FAAH2: variants seen among roughly 807,000 people sequenced by gnomAD.
FAAH2 encodes fatty-acid amide hydrolase 2.
In FAAH2, 60 loss-of-function variants were observed where a neutral mutation model predicts 36.9. That is an observed-to-expected ratio of 1.63 (90% CI 1.32 to 2.02). The LOEUF (loss-of-function observed/expected upper bound fraction) is 2.02. Ranked by LOEUF, FAAH2 falls within the 30% of genes most tolerant of loss-of-function variation. The probability of loss-of-function intolerance (pLI) is 0.00; values close to 1 mark genes in which losing one functional copy is unlikely to be tolerated. For synonymous variants in FAAH2, 214 were observed against 143.8 expected, an observed-to-expected ratio of 1.49 and a Z score of -3.49; for missense variants, 689 against 397.5, an observed-to-expected ratio of 1.73 and a Z score of -6.23.
intron 5 of FAAH2, among the ~76,000 whole-genome samples, chrX:57,374,130 G>A (rs935651232): frequency 1.8e-5 from 2 of 111,702 alleles, no homozygotes; most frequent in Admixed American, 9.5e-5. Context: ...TTATAGTATA[G>A]TTTGAAATTA....
At chrX:57,306,994 G>GATATATATATATATATATATATATATAT (rs770040896) in intron 2 of FAAH2, among the ~76,000 whole-genome samples, 2,450 of 30,937 alleles carry the variant, frequency 0.079, 1,078 homozygotes, top group Non-Finnish European at 0.14. Flanking sequence ...CACACACACA[G>GATATATATATATATATATATATATATAT]ATACATATAT....
chrX:57,330,797 G>A (rs2053381245), intron 3 of FAAH2, among the ~76,000 whole-genome samples: 2 of 111,073 alleles, frequency 1.8e-5, no homozygotes, highest in South Asian at 3.8e-4. Flanking sequence ...TGACTATCGG[G>A]GCAGGTTCCC....
the FAAH2 span, among the ~76,000 whole-genome samples, chrX:57,140,598 C>CA: frequency 0.077 from 4,524 of 58,732 alleles, 197 homozygotes; most frequent in Non-Finnish European, 0.13. Flanking sequence ...GACCCCGTCT[C>CA]AAAAAAAAAA....
the FAAH2 span, among the ~76,000 whole-genome samples, chrX:57,143,712 A>T: frequency 9.0e-6 from 1 of 111,276 alleles, no homozygotes; most frequent in South Asian, 3.8e-4. Flanking sequence ...TCCTGATCTC[A>T]GGTGATTGAC....
At chrX:57,348,116 G>A (rs1205295014) in intron 5 of FAAH2, among the ~76,000 whole-genome samples, 1 of 110,485 alleles carries the variant, frequency 9.1e-6, no homozygotes, top group Non-Finnish European at 1.9e-5. Context: ...AAGGACATAA[G>A]TGTAAGCCCA....
At chrX:57,485,268 C>T (rs890187334) in intron 10 of FAAH2, among the ~76,000 whole-genome samples, 3 of 111,377 alleles carry the variant, frequency 2.7e-5, no homozygotes, top group Non-Finnish European at 5.7e-5. Context: ...GTGTCAGGGG[C>T]AAAGTTAGTG....
intron 10 of FAAH2, among the ~76,000 whole-genome samples, chrX:57,483,339 A>G (rs948497644): frequency 9.0e-6 from 1 of 111,306 alleles, no homozygotes; most frequent in Non-Finnish European, 1.9e-5. Context: ...AAATTCCTTA[A>G]GTGAATTTTT....
the FAAH2 span, among the ~76,000 whole-genome samples, chrX:57,195,325 TG>T: frequency 8.9e-6 from 1 of 111,810 alleles, no homozygotes; most frequent in African/African-American, 3.2e-5. Context: ...AAGACAGCAT[TG>T]TGGTTTTGGT....
At chrX:57,188,700 A>G in the FAAH2 span, among the ~76,000 whole-genome samples, 7 of 111,037 alleles carry the variant, frequency 6.3e-5, no homozygotes, top group Non-Finnish European at 1.1e-4. Flanking sequence ...TTAGTGCTAT[A>G]AATTTACCTC....
intron 10 of FAAH2, among the ~76,000 whole-genome samples, chrX:57,450,657 C>T (rs765427225): frequency 1.8e-5 from 2 of 110,903 alleles, no homozygotes; most frequent in Admixed American, 1.9e-4. Flanking sequence ...GTTTCTCAAG[C>T]TTGTATAAGC....
chrX:57,340,592 C>CA (rs1419549204), intron 4 of FAAH2, among the ~76,000 whole-genome samples: 14 of 111,998 alleles, frequency 1.3e-4, no homozygotes, highest in African/African-American at 3.6e-4. Flanking sequence ...ACAAATACAA[C>CA]ACGGAATGCT....
chrX:57,481,316 G>A (rs1055597382), intron 10 of FAAH2, among the ~76,000 whole-genome samples: 8 of 110,942 alleles, frequency 7.2e-5, no homozygotes, highest in Non-Finnish European at 1.1e-4. Flanking sequence ...TGGAGAAGAG[G>A]CTTTCTGGTT....
the FAAH2 span, among the ~76,000 whole-genome samples, chrX:57,277,020 T>C: frequency 3.6e-5 from 4 of 111,889 alleles, no homozygotes; most frequent in Admixed American, 1.9e-4. Flanking sequence ...GTACCATTCC[T>C]TCTGAAACTA....
At chrX:57,384,811 C>A (rs767070631) in intron 7 of FAAH2, among the ~76,000 whole-genome samples, 2 of 111,490 alleles carry the variant, frequency 1.8e-5, no homozygotes, top group East Asian at 5.7e-4. Context: ...TTGACCCAGC[C>A]ATCCCATTAG....
intron 7 of FAAH2, among the ~76,000 whole-genome samples, chrX:57,382,890 C>A (rs779651842): frequency 9.0e-6 from 1 of 111,518 alleles, no homozygotes; most frequent in Non-Finnish European, 1.9e-5. Context: ...GAATTTTAGG[C>A]CAATAACCCT....
At chrX:57,288,030 G>T (rs1398433595) in intron 1 of FAAH2, among the ~76,000 whole-genome samples, 2 of 111,410 alleles carry the variant, frequency 1.8e-5, no homozygotes, top group East Asian at 5.6e-4. Context: ...GCAATGGGAT[G>T]TATTCGGTTG....
chrX:57,367,373 G>T lies in FAAH2; in HGVS notation c.743-11278G>T, dbSNP rs759576238. ...GTGGCTGCACCTTAGCATGAACAAG[G>T]CAATGACACTAAATTGCACTGCTAG... On this transcript the variant is annotated intron_variant, in intron 5 of 10. Coordinates refer to ENST00000374900, the MANE Select transcript of FAAH2 (RefSeq NM_174912.4). Among the ~76,000 whole-genome samples the T allele has an allele frequency of 2.7e-5, 3 of 112,004 alleles. No individual in the cohort carries two copies. In the East Asian group the frequency reaches 8.4e-4, roughly 31 times the overall value.
At position 57,288,338 on chromosome X, in the gene FAAH2, C is replaced by CTTTTTTTTTTTT. The variant is rs771871081; in HGVS notation, c.192+1339_192+1350dup. Among the ~76,000 whole-genome samples the CTTTTTTTTTTTT allele has an allele frequency of 8.7e-4, 35 of 40,351 alleles. 6 individuals carry two copies. Among genetic ancestry groups the CTTTTTTTTTTTT allele is most frequent in the African/African-American group, 4.7e-3 (34 of 7,304 alleles). 35.0% of individuals were successfully genotyped at this position (40,351 alleles called of 115,157 possible). A position where few individuals can be genotyped will look rare whatever the true frequency, so the allele number is the denominator to read the frequency against. ...TAGCTCTGTGATCTTAAAAACATTT[C>CTTTTTTTTTTTT]TTTTTTTTTTTTTTTTTTTTTTTTT... On this transcript the variant is annotated intron_variant, in intron 1 of 10. Transcript: ENST00000374900.
the FAAH2 span, chrX:57,137,390 G>T: frequency 5.4e-6 from 4 of 746,909 alleles, no homozygotes; most frequent in Non-Finnish European, 6.3e-6. Context: ...GGCGAGACAG[G>T]CAAAGAGCAC....
Sources: allele counts gnomAD v4.1 joint callset (sites outside exome capture counted in the v4.1 genomes callset), GRCh38; gene constraint gnomAD v4.1.1; transcripts MANE v1.5; gene names NCBI Gene and HGNC (gene_info 2026-07-23, HGNC 2026-07-21).